The following ZIC5 variants were observed in gnomAD, a reference collection of about 807,000 sequenced individuals.
ZIC5 encodes the protein zinc finger protein ZIC 5.
Under a neutral mutation model 28.5 loss-of-function variants are expected in ZIC5, and 20 were observed. The ratio of observed to expected loss-of-function variants is 0.70; its 90% CI spans 0.49 to 1.02. The LOEUF is 1.02. Among genes scored for constraint, ZIC5 ranks in the 50% least tolerant of loss-of-function variants. The pLI is 0.00. For synonymous variants in ZIC5, 488 were observed against 410.4 expected, an observed-to-expected ratio of 1.19 and a Z score of -2.29; for missense variants, 951 against 899.7, an observed-to-expected ratio of 1.06 and a Z score of -0.73.
chr13:99,967,788 C>A (rs1212928566), intron 1 of ZIC5, among the ~76,000 whole-genome samples: 1 of 152,176 alleles, frequency 6.6e-6, no homozygotes, highest in African/African-American at 2.4e-5. Flanking sequence ...ACGGAGAAAA[C>A]AGAAGAAAAC....
chr13:99,970,726 GC>G lies in ZIC5; in HGVS notation c.877del (p.Ala293ArgfsTer14). Reference sequence around the variant, plus strand: ...GTGCAGGGCGGCCGCCGCTGCGGCCGCAACCGCCCCGTAGTGCGCGTCCCCA... The same window carrying G: ...GTGCAGGGCGGCCGCCGCTGCGGCCGAACCGCCCCGTAGTGCGCGTCCCCA... ...RSGDAHYGAVAAAAAAALHGY... is the reference protein window; with the variant it reads ...RSGDAHYGAVXAAAAAALHGY... On this transcript the variant is annotated frameshift_variant, in exon 1 of 2. Coordinates refer to ENST00000267294, the MANE Select transcript of ZIC5 (RefSeq NM_033132.5). LOFTEE classifies it high-confidence loss of function. 8.4e-7 allele frequency: 1 copy of G among 1,196,064 alleles called. No individual in the cohort carries two copies. The highest frequency in any genetic ancestry group is 2.3e-5 in the South Asian group (1 of 43,104). The allele number at this position is 1,196,064 out of a possible 1,614,324, so 74.1% of individuals were successfully genotyped here.
chr13:99,970,407 G>T lies in ZIC5; in HGVS notation c.1197C>A (p.Pro399=). Residue 399 remains proline (P), a synonymous_variant, in exon 1 of 2, where the codon CCC becomes CCA. Coordinates refer to ENST00000267294, the MANE Select transcript of ZIC5 (RefSeq NM_033132.5). ...AGCAGGGCTTGGCGCCGCCGGCCGG[G>T]GGCGGTGGCGGCGGCGGCGGCGGCG... The part of the protein sequence containing the change: ...PPPPPPPPPP[P]PAGGAKPCSK... 8.4e-7 allele frequency: 1 copy of T among 1,192,678 alleles called. No individual in the cohort carries two copies. The highest frequency in any genetic ancestry group is 4.3e-5 in the Admixed American group (1 of 23,166). The allele number at this position is 1,192,678 out of a possible 1,614,324, so 73.9% of individuals were successfully genotyped here.
chr13:99,971,008 G>A lies in ZIC5; in HGVS notation c.596C>T (p.Ser199Phe). 7.1e-7 allele frequency: 1 copy of A among 1,411,618 alleles called. No individual in the cohort carries two copies. The highest frequency in any genetic ancestry group is 1.6e-5 in the South Asian group (1 of 64,350). 87.4% of individuals were successfully genotyped at this position (1,411,618 alleles called of 1,614,324 possible). ...HGAPLGGEQR[S>F]GTGSPQHPAP... ...CGGGTGCTGGGGGGAGCCGGTGCCGGACCGCTGCTCCCCTCCGAGCGGGGC... is the reference window on the plus strand; with the variant it reads ...CGGGTGCTGGGGGGAGCCGGTGCCGAACCGCTGCTCCCCTCCGAGCGGGGC... The change falls in exon 1 of 2, where the codon TCC becomes TTC. Residue 199 changes from serine to phenylalanine, a missense_variant. Ser to Phe is a radical substitution (Grantham distance 155, BLOSUM62 -2). Transcript: ENST00000267294.
Position 99,971,480 on chromosome 13 carries a change from AGT to A in ZIC5, c.122_123del (p.His41LeufsTer18). Reference protein sequence around the residue: ...GFPALAGPPAHSQLRAAVAHL... With the variant: ...GFPALAGPPAXSQLRAAVAHL... ...TGCGCGACGGCGGCCCGGAGTTGGG[AGT>A]GGGCGGGCGGGCCGGCCAGCGCCGG... On this transcript the variant is annotated frameshift_variant, in exon 1 of 2. Transcript: ENST00000267294. LOFTEE classifies it high-confidence loss of function. The A allele has an allele frequency of 7.4e-7, 1 of 1,357,878 alleles. No individual in the cohort carries two copies. The highest frequency in any genetic ancestry group is 3.5e-5 in the East Asian group (1 of 28,288). The allele number at this position is 1,357,878 out of a possible 1,614,324, so 84.1% of individuals were successfully genotyped here. A position where few individuals can be genotyped will look rare whatever the true frequency, so the allele number is the denominator to read the frequency against.
At chr13:99,970,000 GAA>G in intron 1 of ZIC5, 125 bp downstream of exon 1, 1 of 1,428,846 alleles carries the variant, frequency 7.0e-7, no homozygotes, top group Non-Finnish European at 9.5e-7. Context: ...ATACGTATGC[GAA>G]GAGAAGCAGC....
At chr13:99,969,372 G>A (rs2053127378) in intron 1 of ZIC5, among the ~76,000 whole-genome samples, 1 of 152,210 alleles carries the variant, frequency 6.6e-6, no homozygotes, top group Non-Finnish European at 1.5e-5. Context: ...TACTGCGTGT[G>A]AGAGGGCGCG....
Position 99,970,834 on chromosome 13 carries a change from ATCT to A in ZIC5, c.767_769del (p.Gln256_Met257delinsLeu). 1 of 1,238,842 alleles carries A rather than the reference ATCT, an allele frequency of 8.1e-7. No individual in the cohort carries two copies. Among genetic ancestry groups the A allele is most frequent in the African/African-American group, 1.6e-5 (1 of 62,602 alleles). The allele number at this position is 1,238,842 out of a possible 1,614,324, so 76.7% of individuals were successfully genotyped here. Reference sequence around the variant, plus strand: ...CGCTGCCGCCGCCAGCCCCAGGCGCATCTGGCCGTTGAGCGGGTGCGGGTGGCC... The same window carrying A: ...CGCTGCCGCCGCCAGCCCCAGGCGCAGGCCGTTGAGCGGGTGCGGGTGGCC... On this transcript the variant is annotated inframe_deletion, in exon 1 of 2. Coordinates refer to ENST00000267294, the MANE Select transcript of ZIC5 (RefSeq NM_033132.5).
intron 1 of ZIC5, among the ~76,000 whole-genome samples, chr13:99,968,217 T>C (rs1173265662): frequency 2.0e-5 from 3 of 151,734 alleles, no homozygotes; most frequent in African/African-American, 7.3e-5. Context: ...CAGAACACAA[T>C]GTCCAATAGC....
Position 99,971,216 on chromosome 13 carries a change from C to T in ZIC5, c.388G>A (p.Ala130Thr). 1 of 161,896 alleles carries T rather than the reference C, an allele frequency of 6.2e-6. No individual in the cohort carries two copies. The allele number at this position is 161,896 out of a possible 1,614,324, so 10.0% of individuals were successfully genotyped here. Residue 130 changes from alanine (A) to threonine (T), a missense_variant, in exon 1 of 2, where the codon GCC becomes ACC. Transcript: ENST00000267294. ...GAAGGGGTGGGAGGAAGAGGAGGGG[C>T]TGGGGGCGGGGGCGCGGAGGGCTGC... ...GAQPSAPPPP[A>T]PPLPPTPSPP... is the part of the protein sequence containing the mutation.
Position 99,971,054 on chromosome 13 carries a change from G to A in ZIC5, c.550C>T (p.Pro184Ser). ...VLRRDLSATAPAAAMHGAPLG... is the reference protein window; with the variant it reads ...VLRRDLSATASAAAMHGAPLG... ...GGGGCCCCGTGCATGGCCGCCGCGG[G>A]GGCCGTGGCGGAAAGGTCCCTCCGG... The change falls in exon 1 of 2, where the codon CCC (proline) becomes TCC (serine). Residue 184 changes from proline to serine, a missense_variant. By Grantham distance (74) the Pro-to-Ser change is moderately conservative. Coordinates refer to ENST00000267294, the MANE Select transcript of ZIC5 (RefSeq NM_033132.5). 7.0e-7 allele frequency: 1 copy of A among 1,425,718 alleles called. No individual in the cohort carries two copies. The highest frequency in any genetic ancestry group is 9.1e-7 in the Non-Finnish European group (1 of 1,102,050). 88.3% of individuals were successfully genotyped at this position (1,425,718 alleles called of 1,614,324 possible).
At position 99,963,183 on chromosome 13, in the gene ZIC5, C is replaced by T. The variant is rs1340179070; in HGVS notation, c.*2194G>A. ...TGGTAAAATACATAAAATACATATT[C>T]CTTTGTTTCATAATAAATAAACCTG... On this transcript the variant is annotated 3_prime_UTR_variant, in exon 2 of 2. Transcript: ENST00000267294. 2 of 152,366 alleles carry T rather than the reference C, an allele frequency of 1.3e-5. No homozygotes were observed. Among genetic ancestry groups the T allele is most frequent in the Non-Finnish European group, 2.9e-5 (2 of 67,964 alleles). The allele number at this position is 152,366 out of a possible 1,614,324, so 9.4% of individuals were successfully genotyped here. A position where few individuals can be genotyped will look rare whatever the true frequency, so the allele number is the denominator to read the frequency against.
In ZIC5 at chr13:99,964,798, G is replaced by A. The variant is rs1429285605; in HGVS notation, c.*579C>T. 6.6e-6 allele frequency: 1 copy of A among 151,900 alleles called. No homozygotes were observed. The highest frequency in any genetic ancestry group is 1.9e-4 in the East Asian group (1 of 5,188). 9.4% of individuals were successfully genotyped at this position (151,900 alleles called of 1,614,324 possible). On this transcript the variant is annotated 3_prime_UTR_variant, in exon 2 of 2. Coordinates refer to ENST00000267294, the MANE Select transcript of ZIC5 (RefSeq NM_033132.5). ...TTTTTACAAATGTTTTTGGACACAG[G>A]TACGGAACAGGATCTGTTGGCAATG...
intron 1 of ZIC5, among the ~76,000 whole-genome samples, chr13:99,968,640 T>G (rs1292159776): frequency 6.6e-6 from 1 of 152,052 alleles, no homozygotes; most frequent in Non-Finnish European, 1.5e-5. Context: ...GGAGTTCCCT[T>G]TCGGGGCCGG....
chr13:99,966,917 C>G (rs908437538), intron 1 of ZIC5, among the ~76,000 whole-genome samples: 5 of 152,198 alleles, frequency 3.3e-5, no homozygotes, highest in Non-Finnish European at 7.3e-5. Context: ...CTTGGTATCT[C>G]TGAACTTGAT....
chr13:99,969,544 T>A (rs772939282), intron 1 of ZIC5, among the ~76,000 whole-genome samples: 39 of 151,870 alleles, frequency 2.6e-4, no homozygotes, highest in Non-Finnish European at 5.6e-4. Flanking sequence ...TCTCCGGGGT[T>A]CCGAAAGCGC....
intron 1 of ZIC5, among the ~76,000 whole-genome samples, chr13:99,969,474 G>A (rs1477910416): frequency 7.4e-6 from 1 of 134,354 alleles, no homozygotes; most frequent in East Asian, 3.5e-4. Context: ...AAAGTTGTGG[G>A]AGACGCACGC....
In ZIC5 at chr13:99,963,459, T is replaced by C. The variant is rs1226773566; in HGVS notation, c.*1918A>G. The C allele has an allele frequency of 6.6e-6, 1 of 152,508 alleles. No individual in the cohort carries two copies. The highest frequency in any genetic ancestry group is 1.5e-5 in the Non-Finnish European group (1 of 68,010). 9.4% of individuals were successfully genotyped at this position (152,508 alleles called of 1,614,324 possible). On this transcript the variant is annotated 3_prime_UTR_variant, in exon 2 of 2. Transcript: ENST00000267294. ...TCTTTATAAAGGAGGGTCTGCATGTTTCATATTCATCACAACAATCTGAAG... is the reference window on the plus strand; with the variant it reads ...TCTTTATAAAGGAGGGTCTGCATGTCTCATATTCATCACAACAATCTGAAG...
chr13:99,969,443 CGCA>C (rs1266219514), intron 1 of ZIC5, among the ~76,000 whole-genome samples: 1 of 151,512 alleles, frequency 6.6e-6, no homozygotes, highest in Non-Finnish European at 1.5e-5. Flanking sequence ...GGGGTGCACG[CGCA>C]GGAGGATATG....
rs2053083479 is a variant in ZIC5, at chr13:99,964,727, A to T, written c.*650T>A. ...AATATTGTATTAAGCTAAGATCAGT[A>T]ATAAAAGAGTGGAAATTAAAAATTA... is the stretch of plus-strand genomic sequence containing the variant. On this transcript the variant is annotated 3_prime_UTR_variant, in exon 2 of 2. Coordinates refer to ENST00000267294, the MANE Select transcript of ZIC5 (RefSeq NM_033132.5). 6.6e-6 allele frequency: 1 copy of T among 152,378 alleles called. No homozygotes were observed. Among genetic ancestry groups the T allele is most frequent in the African/African-American group, 2.4e-5 (1 of 41,434 alleles). The allele number at this position is 152,378 out of a possible 1,614,324, so 9.4% of individuals were successfully genotyped here.
Sources: gnomAD v4.1 joint callset for allele counts (sites outside exome capture counted in the v4.1 genomes callset) on GRCh38, gnomAD v4.1.1 for gene constraint, MANE v1.5 for transcripts, NCBI Gene and HGNC (gene_info 2026-07-23, HGNC 2026-07-21) for gene names.